The following BCL2 variants were observed in gnomAD, a reference collection of about 807,000 sequenced individuals.
The protein encoded by BCL2 is apoptosis regulator Bcl-2.
Under a neutral mutation model 14.2 loss-of-function variants are expected in BCL2, and 1 was observed. The observed-to-expected ratio is 0.07, with a 90% confidence interval of 0.02 to 0.33. The LOEUF is 0.33. BCL2 is among the 10% of genes least tolerant of loss of function. BCL2 has a pLI of 0.99. For missense variants in BCL2, 247 were observed against 305.9 expected (o/e 0.81, Z 1.44); for synonymous variants, 151 against 137.2 (o/e 1.10, Z -0.70).
At chr18:63,168,146 A>G (rs1412068036) in intron 2 of BCL2, among the ~76,000 whole-genome samples, 1 of 152,144 alleles carries the variant, frequency 6.6e-6, no homozygotes, top group Non-Finnish European at 1.5e-5. Flanking sequence ...CCTATTGGAG[A>G]ATGTGTCAAG....
At chr18:63,153,069 A>G (rs144931011) in intron 2 of BCL2, among the ~76,000 whole-genome samples, 110 of 152,312 alleles carry the variant, frequency 7.2e-4, no homozygotes, top group Non-Finnish European at 1.3e-3. Flanking sequence ...AGCATTGGAG[A>G]GGAAAGAGCA....
At chr18:63,157,297 A>T (rs1005354475) in intron 2 of BCL2, among the ~76,000 whole-genome samples, 2 of 152,236 alleles carry the variant, frequency 1.3e-5, no homozygotes, top group African/African-American at 4.8e-5. Flanking sequence ...CCTTGTTCCA[A>T]GTGAAGTTAC....
At position 63,302,741 on chromosome 18, in the gene BCL2, A is replaced by G. The variant is rs185187774; in HGVS notation, c.585+15341T>C. On this transcript the variant is annotated intron_variant, in intron 2 of 2. Transcript: ENST00000333681. ...AAAAGAGGTTTAGTAAGGATGCAGTAAGAGTTTCCTATCTTGTCAGAATTT... is the reference window on the plus strand; with the variant it reads ...AAAAGAGGTTTAGTAAGGATGCAGTGAGAGTTTCCTATCTTGTCAGAATTT... The G allele has an allele frequency of 7.0e-3, 6,855 of 985,416 alleles. 23 individuals are homozygous for G. Among genetic ancestry groups the G allele is most frequent in the Non-Finnish European group, 7.8e-3 (6,506 of 829,924 alleles). 61.0% of individuals were successfully genotyped at this position (985,416 alleles called of 1,614,324 possible). A position where few individuals can be genotyped will look rare whatever the true frequency, so the allele number is the denominator to read the frequency against.
intron 2 of BCL2, among the ~76,000 whole-genome samples, chr18:63,154,511 T>C (rs58947914): frequency 0.097 from 14,747 of 152,172 alleles, 1,495 homozygotes; most frequent in African/African-American, 0.25. Context: ...CCACACCCAC[T>C]GCTTGCCTTG....
chr18:63,300,575 G>T (rs956034579), intron 2 of BCL2, among the ~76,000 whole-genome samples: 1 of 151,940 alleles, frequency 6.6e-6, no homozygotes, highest in Non-Finnish European at 1.5e-5. Flanking sequence ...TTTTTCAGAT[G>T]ACTGAAGCCT....
chr18:63,289,409 T>C (rs140795092), intron 2 of BCL2, among the ~76,000 whole-genome samples: 2 of 152,164 alleles, frequency 1.3e-5, no homozygotes, highest in East Asian at 3.9e-4. Flanking sequence ...GGGAACAGAA[T>C]ACTCTGGGAT....
intron 2 of BCL2, among the ~76,000 whole-genome samples, chr18:63,205,259 T>A (rs1909804814): frequency 1.3e-5 from 2 of 152,226 alleles, no homozygotes; most frequent in South Asian, 4.1e-4. Context: ...TTGTAACACA[T>A]ATGATTATTT....
At chr18:63,298,730 T>A (rs560584850) in intron 2 of BCL2, among the ~76,000 whole-genome samples, 1 of 152,246 alleles carries the variant, frequency 6.6e-6, no homozygotes. Flanking sequence ...TAGTTTCTTA[T>A]GCCAGGGAAA....
At chr18:63,225,203 C>T (rs2144167463) in intron 2 of BCL2, among the ~76,000 whole-genome samples, 1 of 152,224 alleles carries the variant, frequency 6.6e-6, no homozygotes, top group South Asian at 2.1e-4. Flanking sequence ...AAAGGTTTAG[C>T]TGTTAATGCC....
chr18:63,245,844 A>G (rs1911136908), intron 2 of BCL2, among the ~76,000 whole-genome samples: 1 of 152,234 alleles, frequency 6.6e-6, no homozygotes, highest in Non-Finnish European at 1.5e-5. Context: ...AAGTTCTATG[A>G]GAAAGTTACT....
rs775451086 is a variant in BCL2, at chr18:63,170,944, C to T, written c.586-42185G>A. 5.5e-4 allele frequency among the ~76,000 whole-genome samples: 84 copies of T among 152,260 alleles called. 2 individuals carry two copies. The highest frequency in any genetic ancestry group is 2.1e-4 in the South Asian group (1 of 4,822). ...CCAAAAACTTAGAATCAGGTAGACG[C>T]CAATGTTTTCTTAGGTATTCTTAGT... On this transcript the variant is annotated intron_variant, in intron 2 of 2. Transcript: ENST00000333681.
chr18:63,295,676 C>T (rs1912778507), intron 2 of BCL2, among the ~76,000 whole-genome samples: 1 of 152,122 alleles, frequency 6.6e-6, no homozygotes, highest in African/African-American at 2.4e-5. Flanking sequence ...AACAACTACA[C>T]AGCTCTCACC....
chr18:63,234,190 C>A (rs1910761177), intron 2 of BCL2, among the ~76,000 whole-genome samples: 1 of 152,106 alleles, frequency 6.6e-6, no homozygotes, highest in Admixed American at 6.5e-5. Flanking sequence ...AACCCATCAC[C>A]TAGGTATTAA....
chr18:63,315,712 T>G (rs1913473456), intron 2 of BCL2: 1 of 152,218 alleles, frequency 6.6e-6, no homozygotes, highest in Non-Finnish European at 1.5e-5. Context: ...CCAATTGGTG[T>G]AAATGTGAAG....
chr18:63,300,265 T>G (rs1214212861), intron 2 of BCL2, among the ~76,000 whole-genome samples: 1 of 152,046 alleles, frequency 6.6e-6, no homozygotes, highest in Non-Finnish European at 1.5e-5. Context: ...AATTCTCTAC[T>G]CTAGAAAGGG....
At chr18:63,224,894 A>G (rs985758823) in intron 2 of BCL2, among the ~76,000 whole-genome samples, 2 of 152,222 alleles carry the variant, frequency 1.3e-5, no homozygotes, top group Non-Finnish European at 2.9e-5. Flanking sequence ...ACAATGGGGT[A>G]AAACAAGAGA....
intron 2 of BCL2, among the ~76,000 whole-genome samples, chr18:63,244,807 T>G (rs756150974): frequency 3.9e-5 from 6 of 152,228 alleles, no homozygotes; most frequent in Non-Finnish European, 8.8e-5. Flanking sequence ...TTTGGGCCTC[T>G]GTGGATTCCT....
At chr18:63,129,805 C>T (rs566449459) in intron 2 of BCL2, among the ~76,000 whole-genome samples, 9 of 152,244 alleles carry the variant, frequency 5.9e-5, no homozygotes, top group Non-Finnish European at 7.3e-5. Flanking sequence ...GGGCCAAGGG[C>T]GGCCTTGACT....
chr18:63,302,605 CCTT>C, intron 2 of BCL2: 1 of 985,138 alleles, frequency 1.0e-6, no homozygotes, highest in Non-Finnish European at 1.2e-6. Flanking sequence ...TTATTTTTGT[CCTT>C]CTGAAGAGTG....
Sources: allele counts gnomAD v4.1 joint callset (sites outside exome capture counted in the v4.1 genomes callset), GRCh38; gene constraint gnomAD v4.1.1; transcripts MANE v1.5; gene names NCBI Gene and HGNC (gene_info 2026-07-23, HGNC 2026-07-21).